PEX14: variants seen among roughly 807,000 people sequenced by gnomAD.
PEX14 encodes the protein peroxisomal membrane protein PEX14.
In PEX14, 15 loss-of-function variants were observed where a neutral mutation model predicts 49.5. That is an observed-to-expected ratio of 0.30 (90% CI 0.20 to 0.47). The LOEUF (loss-of-function observed/expected upper bound fraction) is 0.47, where lower values mean the gene tolerates loss of function less well. PEX14 is among the 20% of genes least tolerant of loss of function. The probability of loss-of-function intolerance (pLI) is 1.00; values close to 1 mark genes in which losing one functional copy is unlikely to be tolerated. For missense variants in PEX14, 398 were observed against 494.8 expected, an observed-to-expected ratio of 0.80 and a Z score of 1.86; for synonymous variants, 210 against 212.7, an observed-to-expected ratio of 0.99 and a Z score of 0.11.
At chr1:10,588,226 A>T (rs548790617) in intron 3 of PEX14, among the ~76,000 whole-genome samples, 1 of 152,122 alleles carries the variant, frequency 6.6e-6, no homozygotes, top group Non-Finnish European at 1.5e-5. Flanking sequence ...TCTCAAAAAA[A>T]AAAAGACATG....
intron 3 of PEX14, among the ~76,000 whole-genome samples, chr1:10,553,396 G>A (rs180810945): frequency 7.0e-4 from 106 of 152,296 alleles, no homozygotes; most frequent in African/African-American, 2.5e-3. Context: ...ACCCTGTCAC[G>A]TGGTTAGTGG....
intron 6 of PEX14, among the ~76,000 whole-genome samples, 153 bp from the exon 7 acceptor site, chr1:10,624,187 T>C (rs750095662): frequency 4.6e-5 from 7 of 152,080 alleles, no homozygotes; most frequent in Admixed American, 3.3e-4. Context: ...TCACCCAGAG[T>C]GCAGATAAAT....
intron 5 of PEX14, among the ~76,000 whole-genome samples, chr1:10,619,729 CA>C (rs2124634949): frequency 6.6e-6 from 1 of 152,286 alleles, no homozygotes; most frequent in African/African-American, 2.4e-5. Context: ...TGATGTAATA[CA>C]AAAGCTAATG....
At chr1:10,619,388 C>T (rs2124634520) in intron 5 of PEX14, among the ~76,000 whole-genome samples, 1 of 150,542 alleles carries the variant, frequency 6.6e-6, no homozygotes. Context: ...ATGATCTCGG[C>T]TCACTGCAAG....
At chr1:10,527,824 C>T (rs909128898) in intron 2 of PEX14, among the ~76,000 whole-genome samples, 1 of 152,080 alleles carries the variant, frequency 6.6e-6, no homozygotes, top group African/African-American at 2.4e-5. Context: ...TGCACCACCA[C>T]ACCTGGCTAA....
chr1:10,597,776 G>C lies in PEX14; in HGVS notation c.170-1462G>C, dbSNP rs149530304. Among the ~76,000 whole-genome samples, 198 of 152,282 alleles carry C rather than the reference G, an allele frequency of 1.3e-3. No homozygotes were observed. The highest frequency in any genetic ancestry group is 4.5e-3 in the African/African-American group (189 of 41,558). On this transcript the variant is annotated intron_variant, in intron 3 of 8. Transcript: ENST00000356607. The surrounding 1 kb of genome is among the most constrained non-coding windows in gnomAD (Gnocchi z 5.7). ...AGGGGAACAGCTGCAGTTTTAAATG[G>C]GGATAGTCCTCAACTCCTCAGCACA... is the stretch of plus-strand genomic sequence containing the variant.
At chr1:10,619,766 T>A (rs2124634971) in intron 5 of PEX14, among the ~76,000 whole-genome samples, 1 of 152,334 alleles carries the variant, frequency 6.6e-6, no homozygotes, top group South Asian at 2.1e-4. Flanking sequence ...TATAATTTTT[T>A]AAGTGTAGCA....
At chr1:10,591,635 C>CTCTGTG (rs1553194175) in intron 3 of PEX14, among the ~76,000 whole-genome samples, 1 of 139,648 alleles carries the variant, frequency 7.2e-6, no homozygotes, top group Non-Finnish European at 1.6e-5. Flanking sequence ...GGTATACACA[C>CTCTGTG]TGTGTGTGTG....
intron 3 of PEX14, among the ~76,000 whole-genome samples, chr1:10,537,286 C>T (rs375306268): frequency 8.2e-5 from 11 of 134,708 alleles, no homozygotes; most frequent in African/African-American, 2.3e-4. Context: ...TGGGTCCCTG[C>T]GACAGAGTTG....
At position 10,495,967 on chromosome 1, in the gene PEX14, AT is replaced by A. The variant is rs1315203805; in HGVS notation, c.84+647del. On this transcript the variant is annotated intron_variant, in intron 2 of 8. Transcript: ENST00000356607. This position sits in a 1 kb window ranked among gnomAD's most constrained non-coding sequence, Gnocchi z 4.2. ...GTAAGACTGGCTCTGTATAAACCAG[AT>A]AAGTTTGATGGGAGAGCCAGCTCTA... 1.7e-4 allele frequency among the ~76,000 whole-genome samples: 26 copies of A among 152,214 alleles called. No homozygotes were observed. The highest frequency in any genetic ancestry group is 6.3e-4 in the African/African-American group (26 of 41,524).
chr1:10,572,504 C>T (rs1000144971), intron 3 of PEX14, among the ~76,000 whole-genome samples: 2 of 152,152 alleles, frequency 1.3e-5, no homozygotes, highest in African/African-American at 2.4e-5. Context: ...ATTCATAATA[C>T]AGTCATGTGT....
At chr1:10,520,153 T>TTTTTTTTTTTG (rs754714815) in intron 2 of PEX14, among the ~76,000 whole-genome samples, 1 of 91,914 alleles carries the variant, frequency 1.1e-5, no homozygotes. Context: ...TTCTTCTTTT[T>TTTTTTTTTTTG]TTTTTTTTTG....
At chr1:10,581,235 AG>A (rs1640306191) in intron 3 of PEX14, among the ~76,000 whole-genome samples, 1 of 151,210 alleles carries the variant, frequency 6.6e-6, no homozygotes, top group Non-Finnish European at 1.5e-5. Context: ...GAATCCCATG[AG>A]GGCAGAATGA....
At chr1:10,475,043 C>G (rs1248544404) in intron 1 of PEX14, 41 bp downstream of exon 1, 4 of 1,580,080 alleles carry the variant, frequency 2.5e-6, no homozygotes, top group East Asian at 2.3e-5. Flanking sequence ...GCGGAGACCC[C>G]GGCTGGAGGG....
chr1:10,551,445 C>T (rs1035861993), intron 3 of PEX14, among the ~76,000 whole-genome samples: 8 of 152,158 alleles, frequency 5.3e-5, no homozygotes, highest in East Asian at 1.9e-4. Flanking sequence ...CATTACACAG[C>T]GCGCTGGAGG....
At chr1:10,492,676 A>G (rs1641492047) in intron 1 of PEX14, among the ~76,000 whole-genome samples, 1 of 152,336 alleles carries the variant, frequency 6.6e-6, no homozygotes, top group South Asian at 2.1e-4. Flanking sequence ...GAATCTAAAT[A>G]ATCCATTCAG....
At chr1:10,502,384 C>T (rs1641697352) in intron 2 of PEX14, among the ~76,000 whole-genome samples, 1 of 152,144 alleles carries the variant, frequency 6.6e-6, no homozygotes, top group South Asian at 2.1e-4. Flanking sequence ...AGGCCACTTA[C>T]TGGTTTTGAA....
chr1:10,551,109 C>T (rs1474648387), intron 3 of PEX14, among the ~76,000 whole-genome samples: 2 of 151,962 alleles, frequency 1.3e-5, no homozygotes, highest in Non-Finnish European at 2.9e-5. Flanking sequence ...GTGGAGAGGT[C>T]GAATGGTTAC....
At chr1:10,520,374 G>A (rs1413209257) in intron 2 of PEX14, among the ~76,000 whole-genome samples, 1 of 151,840 alleles carries the variant, frequency 6.6e-6, no homozygotes, top group Non-Finnish European at 1.5e-5. Flanking sequence ...GTCTAGGCTG[G>A]TCTCAAACTC....
Sources: gnomAD v4.1 joint callset for allele counts (sites outside exome capture counted in the v4.1 genomes callset) on GRCh38, gnomAD v4.1.1 for gene constraint, Gnocchi (gnomAD v3.1) non-coding constraint, MANE v1.5 for transcripts, NCBI Gene and HGNC (gene_info 2026-07-23, HGNC 2026-07-21) for gene names.